The following IGF1R variants were observed in gnomAD, a reference collection of about 807,000 sequenced individuals.
IGF1R encodes insulin-like growth factor 1 receptor.
A neutral mutation model predicts 144.6 loss-of-function variants in IGF1R; 44 were observed. The ratio of observed to expected loss-of-function variants is 0.30; its 90% CI spans 0.24 to 0.39. The LOEUF (loss-of-function observed/expected upper bound fraction) is 0.39, where lower values mean the gene tolerates loss of function less well. Ranked by LOEUF, IGF1R falls within the 10% of genes least tolerant of loss-of-function variation. The probability of loss-of-function intolerance (pLI) is 1.00; values close to 1 mark genes in which losing one functional copy is unlikely to be tolerated. For missense variants in IGF1R, 1,355 were observed against 1,833.7 expected (o/e 0.74, Z 4.77); for synonymous variants, 795 against 722.8 (o/e 1.10, Z -1.60).
chr15:98,778,189 G>C (rs1039307304), intron 2 of IGF1R, among the ~76,000 whole-genome samples: 16 of 152,336 alleles, frequency 1.1e-4, no homozygotes, highest in African/African-American at 3.8e-4. Flanking sequence ...AGCCTTCACA[G>C]AAGATGCAAA....
intron 1 of IGF1R, among the ~76,000 whole-genome samples, chr15:98,695,200 A>C (rs1233940631): frequency 6.6e-6 from 1 of 152,236 alleles, no homozygotes; most frequent in African/African-American, 2.4e-5. Flanking sequence ...TTTCCCTAGT[A>C]AGTCAGTTTC....
intron 1 of IGF1R, among the ~76,000 whole-genome samples, chr15:98,685,160 C>T (rs2074272978): frequency 6.6e-6 from 1 of 151,998 alleles, no homozygotes; most frequent in African/African-American, 2.4e-5. Context: ...GCCCAGGCTG[C>T]ACTCAAACTC....
At chr15:98,780,549 C>CCA (rs2055833598) in intron 2 of IGF1R, among the ~76,000 whole-genome samples, 1 of 23,970 alleles carries the variant, frequency 4.2e-5, no homozygotes, top group African/African-American at 6.9e-5. Flanking sequence ...AACTCTGTCT[C>CCA]AAAAAAAAAA....
chr15:98,870,146 A>T (rs1275787308), intron 2 of IGF1R, among the ~76,000 whole-genome samples: 2 of 152,244 alleles, frequency 1.3e-5, no homozygotes, highest in Non-Finnish European at 2.9e-5. Flanking sequence ...TTATGTGTAC[A>T]GTTCAGTGAC....
chr15:98,778,728 C>A (rs2055781193), intron 2 of IGF1R, among the ~76,000 whole-genome samples: 1 of 152,218 alleles, frequency 6.6e-6, no homozygotes, highest in South Asian at 2.1e-4. Flanking sequence ...ACTGGGCCAC[C>A]TTCCCAGGGG....
chr15:98,853,326 G>A (rs190644804), intron 2 of IGF1R, among the ~76,000 whole-genome samples: 4 of 152,296 alleles, frequency 2.6e-5, no homozygotes, highest in Non-Finnish European at 5.9e-5. Flanking sequence ...TGTGATAGGG[G>A]CGTAGTGGAC....
chr15:98,923,518 G>A (rs1305942903), intron 11 of IGF1R, among the ~76,000 whole-genome samples: 1 of 152,228 alleles, frequency 6.6e-6, no homozygotes. Flanking sequence ...TCAAGTGGTA[G>A]GCACAGGGTA....
intron 2 of IGF1R, among the ~76,000 whole-genome samples, chr15:98,732,910 G>A (rs1006291540): frequency 2.6e-5 from 4 of 152,134 alleles, no homozygotes; most frequent in Admixed American, 2.6e-4. Context: ...ACTGGGAAGG[G>A]GGCCACCCCT....
Position 98,957,352 on chromosome 15 carries a change from C to G in IGF1R, c.4014C>G (p.Ala1338=). 1 of 1,612,204 alleles carries G rather than the reference C, an allele frequency of 6.2e-7. No homozygotes were observed. Among genetic ancestry groups the G allele is most frequent in the Non-Finnish European group, 8.5e-7 (1 of 1,178,806 alleles). Residue 1338 remains alanine, a synonymous_variant, in exon 21 of 21, where the codon GCC becomes GCG. Coordinates refer to ENST00000650285, the MANE Select transcript of IGF1R (RefSeq NM_000875.5). The stretch of plus-strand genomic sequence containing the variant: ...GCCCTGGGGTGCTGGTCCTCCGCGC[C>G]AGCTTCGACGAGAGACAGCCTTACG... The part of the protein sequence containing the change: ...GPGPGVLVLR[A]SFDERQPYAH...
At chr15:98,721,011 CT>C (rs1165722990) in intron 2 of IGF1R, among the ~76,000 whole-genome samples, 1 of 152,106 alleles carries the variant, frequency 6.6e-6, no homozygotes, top group Admixed American at 6.5e-5. Flanking sequence ...AAAATACTTT[CT>C]CAGTGGTTTG....
At chr15:98,728,571 C>T (rs2054420956) in intron 2 of IGF1R, among the ~76,000 whole-genome samples, 2 of 152,238 alleles carry the variant, frequency 1.3e-5, no homozygotes, top group Non-Finnish European at 1.5e-5. Flanking sequence ...CTATTAGCAG[C>T]AGACGTTCAA....
chr15:98,906,911 A>C (rs1290216854), intron 5 of IGF1R, among the ~76,000 whole-genome samples: 1 of 152,064 alleles, frequency 6.6e-6, no homozygotes, highest in Non-Finnish European at 1.5e-5. Context: ...CAGGACTCCA[A>C]CCTCCACCCC....
chr15:98,772,681 T>A (rs2141374958), intron 2 of IGF1R, among the ~76,000 whole-genome samples: 1 of 151,690 alleles, frequency 6.6e-6, no homozygotes, highest in African/African-American at 2.4e-5. Context: ...TTTTAACTTT[T>A]TTTTACTTTT....
chr15:98,838,633 C>G (rs796706067), intron 2 of IGF1R, among the ~76,000 whole-genome samples: 3 of 152,340 alleles, frequency 2.0e-5, no homozygotes, highest in African/African-American at 7.2e-5. Context: ...TTGGGCCAGG[C>G]TGATCTAATC....
At chr15:98,927,885 C>G (rs1212733079) in intron 13 of IGF1R, among the ~76,000 whole-genome samples, 1 of 152,192 alleles carries the variant, frequency 6.6e-6, no homozygotes, top group Admixed American at 6.5e-5. Context: ...CCCATTTCCA[C>G]ATAGACATCT....
chr15:98,913,717 A>G (rs962819168), intron 8 of IGF1R, among the ~76,000 whole-genome samples: 5 of 152,232 alleles, frequency 3.3e-5, no homozygotes, highest in African/African-American at 4.8e-5. Flanking sequence ...AGAGGTCAAC[A>G]AAAGTTGAAA....
At position 98,942,995 on chromosome 15, in the gene IGF1R, G is replaced by A. The variant is rs1596476159; in HGVS notation, c.3530G>A (p.Arg1177His). ...GGAGGGAAAGGGCTGCTGCCCGTGC[G>A]CTGGATGTCTCCTGAGTCCCTCAAG... ...RKGGKGLLPV[R>H]WMSPESLKDG... The change falls in exon 19 of 21, where the codon CGC becomes CAC. Residue 1177 changes from arginine to histidine, a missense_variant. Physicochemically the swap from Arg to His is conservative, Grantham distance 29 (BLOSUM62 0). This residue lies in a region of IGF1R where 77 missense variants were observed against 163.2 expected (regional missense o/e 0.47). Coordinates refer to ENST00000650285, the MANE Select transcript of IGF1R (RefSeq NM_000875.5). 2 of 1,614,154 alleles carry A rather than the reference G, an allele frequency of 1.2e-6. No homozygotes were observed. Among genetic ancestry groups the A allele is most frequent in the Non-Finnish European group, 1.7e-6 (2 of 1,179,976 alleles).
intron 2 of IGF1R, among the ~76,000 whole-genome samples, chr15:98,878,006 A>T (rs942000299): frequency 3.3e-5 from 5 of 152,244 alleles, no homozygotes; most frequent in Non-Finnish European, 5.9e-5. Flanking sequence ...AGTTTTTACC[A>T]AAATAGGCAG....
intron 20 of IGF1R, among the ~76,000 whole-genome samples, chr15:98,956,772 C>T (rs1445795397): frequency 6.6e-6 from 1 of 152,244 alleles, no homozygotes; most frequent in Non-Finnish European, 1.5e-5. Flanking sequence ...TCACGATGGA[C>T]AGTGTGGACC....
Sources: gnomAD v4.1 joint callset for allele counts (sites outside exome capture counted in the v4.1 genomes callset) on GRCh38, gnomAD v4.1.1 for gene constraint, gnomAD v4.1.1 regional missense constraint, MANE v1.5 for transcripts, NCBI Gene and HGNC (gene_info 2026-07-23, HGNC 2026-07-21) for gene names.